The following HMGCLL1 variants were observed in gnomAD, a reference collection of about 807,000 sequenced individuals.
The protein encoded by HMGCLL1 is 3-hydroxy-3-methylglutaryl-CoA lyase like 1.
A neutral mutation model predicts 39.1 loss-of-function variants in HMGCLL1; 36 were observed. The ratio of observed to expected loss-of-function variants is 0.92; its 90% CI spans 0.71 to 1.22. The LOEUF is 1.22. Among genes scored for constraint, HMGCLL1 ranks in the 50% most tolerant of loss-of-function variants. HMGCLL1 has a pLI of 0.00. For synonymous variants in HMGCLL1, 149 were observed against 144.0 expected, an observed-to-expected ratio of 1.03 and a Z score of -0.25; for missense variants, 451 against 416.5, an observed-to-expected ratio of 1.08 and a Z score of -0.72.
At position 55,575,325 on chromosome 6, in the gene HMGCLL1, T is replaced by C. The variant is rs561392132; in HGVS notation, c.108+3623A>G. Among the ~76,000 whole-genome samples the C allele has an allele frequency of 3.9e-5, 6 of 152,240 alleles. No individual in the cohort carries two copies. The East Asian group carries it at 1.2e-3, about 29-fold the overall frequency. ...GACCTGTGATAGAATAAGCCTTTCA[T>C]TCATATTTATTCTTTTTATATTTGA... On this transcript the variant is annotated intron_variant, in intron 1 of 8. Transcript: ENST00000274901.
chr6:55,668,812 C>T, the HMGCLL1 span, among the ~76,000 whole-genome samples: 1 of 151,654 alleles, frequency 6.6e-6, no homozygotes, highest in African/African-American at 2.4e-5. Context: ...TTCCTGTATT[C>T]GCTCATGACT....
At chr6:55,608,344 T>C in the HMGCLL1 span, among the ~76,000 whole-genome samples, 1 of 152,308 alleles carries the variant, frequency 6.6e-6, no homozygotes, top group East Asian at 1.9e-4. Context: ...GTTTACAGGA[T>C]GAATAAGTCA....
chr6:55,663,634 G>A, the HMGCLL1 span, among the ~76,000 whole-genome samples: 5 of 151,872 alleles, frequency 3.3e-5, no homozygotes, highest in East Asian at 1.9e-4. Flanking sequence ...GTGGTGATCA[G>A]AAGAATGCAT....
At chr6:55,466,802 C>T (rs1034330508) in intron 7 of HMGCLL1, among the ~76,000 whole-genome samples, 1 of 152,046 alleles carries the variant, frequency 6.6e-6, no homozygotes, top group Admixed American at 6.6e-5. Context: ...TATAGATATA[C>T]TAGAAAGAGT....
chr6:55,579,244 G>T (rs1215313908), upstream of HMGCLL1: 3 of 597,654 alleles, frequency 5.0e-6, no homozygotes, highest in Non-Finnish European at 8.9e-6. Flanking sequence ...AGGTGGCCGC[G>T]CCTGGGGCAG....
At chr6:55,656,858 G>T in the HMGCLL1 span, among the ~76,000 whole-genome samples, 1 of 151,916 alleles carries the variant, frequency 6.6e-6, no homozygotes, top group African/African-American at 2.4e-5. Flanking sequence ...GATGAAGGGA[G>T]ACCAGTTAAA....
chr6:55,627,065 A>T, the HMGCLL1 span, among the ~76,000 whole-genome samples: 6 of 151,282 alleles, frequency 4.0e-5, no homozygotes, highest in Admixed American at 2.6e-4. Flanking sequence ...AAAAAAAAAA[A>T]AAAAAAAAAT....
chr6:55,645,880 T>G, the HMGCLL1 span, among the ~76,000 whole-genome samples: 2 of 151,938 alleles, frequency 1.3e-5, no homozygotes, highest in Non-Finnish European at 1.5e-5. Context: ...TGTCTGGTTT[T>G]GGTATCAAGG....
At chr6:55,462,568 A>C (rs1012114038) in intron 7 of HMGCLL1, among the ~76,000 whole-genome samples, 1 of 152,210 alleles carries the variant, frequency 6.6e-6, no homozygotes, top group African/African-American at 2.4e-5. Context: ...TAATCCATAT[A>C]TATTGTGCCA....
At chr6:55,459,632 A>C (rs75908178) in intron 7 of HMGCLL1, among the ~76,000 whole-genome samples, 12,216 of 152,110 alleles carry the variant, frequency 0.08, 550 homozygotes, top group African/African-American at 0.12. Context: ...CGATTTATTA[A>C]AATGTATTTG....
chr6:55,475,543 A>G (rs1765246986), intron 7 of HMGCLL1, among the ~76,000 whole-genome samples: 1 of 151,526 alleles, frequency 6.6e-6, no homozygotes, highest in Non-Finnish European at 1.5e-5. Flanking sequence ...TTTCAGTTCA[A>G]TTTTTCAAGC....
chr6:55,587,910 A>C, the HMGCLL1 span, among the ~76,000 whole-genome samples: 3 of 152,000 alleles, frequency 2.0e-5, no homozygotes, highest in Middle Eastern at 3.2e-3. Context: ...AAAGCAAGTC[A>C]TTAGAGACCT....
chr6:55,532,000 A>G (rs1227188299), intron 3 of HMGCLL1, among the ~76,000 whole-genome samples: 1 of 152,146 alleles, frequency 6.6e-6, no homozygotes, highest in East Asian at 1.9e-4. Context: ...ATGCACTTGA[A>G]TCATCTGGAA....
the HMGCLL1 span, among the ~76,000 whole-genome samples, chr6:55,664,091 G>A: frequency 5.9e-5 from 9 of 151,828 alleles, no homozygotes; most frequent in Middle Eastern, 6.8e-3. Context: ...GTCTCTTGAA[G>A]ACAGCATACC....
At chr6:55,445,808 A>G (rs912352626) in intron 7 of HMGCLL1, among the ~76,000 whole-genome samples, 1 of 152,078 alleles carries the variant, frequency 6.6e-6, no homozygotes, top group African/African-American at 2.4e-5. Context: ...TTTTTAGATG[A>G]GTAACCACAA....
chr6:55,664,539 C>A, the HMGCLL1 span, among the ~76,000 whole-genome samples: 1 of 151,544 alleles, frequency 6.6e-6, no homozygotes, highest in Non-Finnish European at 1.5e-5. Context: ...AAAGTAAAAT[C>A]CTATTTGTAT....
chr6:55,591,235 C>CAA, the HMGCLL1 span, among the ~76,000 whole-genome samples: 3 of 151,970 alleles, frequency 2.0e-5, no homozygotes, highest in African/African-American at 7.2e-5. Flanking sequence ...GTGAAGGACT[C>CAA]AATCTTGTCC....
intron 3 of HMGCLL1, among the ~76,000 whole-genome samples, chr6:55,539,798 C>G (rs1422226163): frequency 7.0e-6 from 1 of 143,418 alleles, no homozygotes; most frequent in Non-Finnish European, 1.5e-5. Flanking sequence ...AACAAAATCC[C>G]GTGACAGATG....
intron 3 of HMGCLL1, among the ~76,000 whole-genome samples, chr6:55,524,480 C>T (rs1349944264): frequency 1.6e-5 from 1 of 61,912 alleles, no homozygotes; most frequent in African/African-American, 5.8e-5. Context: ...AAAAAAAAAA[C>T]GGGATCCTCC....
Sources: gnomAD v4.1 joint callset for allele counts (sites outside exome capture counted in the v4.1 genomes callset) on GRCh38, gnomAD v4.1.1 for gene constraint, MANE v1.5 for transcripts, NCBI Gene and HGNC (gene_info 2026-07-23, HGNC 2026-07-21) for gene names.